ZNF415: variants seen among roughly 807,000 people sequenced by gnomAD.
The protein encoded by ZNF415 is zinc finger protein 415.
Under a neutral mutation model 7.3 loss-of-function variants are expected in ZNF415, and 5 were observed. The observed-to-expected ratio is 0.69, with a 90% CI of 0.36 to 1.44. The LOEUF (loss-of-function observed/expected upper bound fraction) is 1.44. Among genes scored for constraint, ZNF415 ranks in the 40% most tolerant of loss-of-function variants. The probability of loss-of-function intolerance (pLI) is 0.04; values close to 1 mark genes in which losing one functional copy is unlikely to be tolerated. For synonymous variants in ZNF415, 207 were observed against 226.3 expected (o/e 0.91, Z 0.77); for missense variants, 628 against 664.8 (o/e 0.94, Z 0.61).
chr19:53,117,302 G>T (rs896366725), intron 2 of ZNF415, among the ~76,000 whole-genome samples: 1 of 151,998 alleles, frequency 6.6e-6, no homozygotes, highest in Non-Finnish European at 1.5e-5. Flanking sequence ...CTAGCCGAGC[G>T]TGGTGGTGCA....
In ZNF415 at chr19:53,130,732, C is replaced by T. The variant is rs140232750; in HGVS notation, c.-68+2124G>A. On this transcript the variant is annotated intron_variant, in intron 1 of 3. Transcript: ENST00000243643. Reference sequence around the variant, plus strand: ...TCGGCTCTTGGCTCACTGCAACCTCCGCCTCCCGGGTTTACACAATGCTTT... The same window carrying T: ...TCGGCTCTTGGCTCACTGCAACCTCTGCCTCCCGGGTTTACACAATGCTTT... 1.6e-3 allele frequency among the ~76,000 whole-genome samples: 243 copies of T among 152,188 alleles called. 2 individuals carry two copies. Among genetic ancestry groups the T allele is most frequent in the African/African-American group, 5.5e-3 (227 of 41,518 alleles).
intron 1 of ZNF415, among the ~76,000 whole-genome samples, chr19:53,125,192 T>G (rs1350967860): frequency 1.3e-5 from 2 of 151,766 alleles, no homozygotes; most frequent in Non-Finnish European, 2.9e-5. Context: ...TACAGGCACA[T>G]GCCACCATGC....
At position 53,109,373 on chromosome 19, in the gene ZNF415, G is replaced by C; in HGVS notation, c.672C>G (p.Ala224=). 1 of 1,614,146 alleles carries C rather than the reference G, an allele frequency of 6.2e-7. No homozygotes were observed. Among genetic ancestry groups the C allele is most frequent in the African/African-American group, 1.3e-5 (1 of 75,050 alleles). ...KPYRYIECDK[A]LNHGSHMTVR... is the part of the protein sequence containing the mutation. ...CAGTCATGTGTGAGCCATGATTCAA[G>C]GCTTTGTCGCACTCAATATATCTGT... The change falls in exon 4 of 4, where the codon GCC becomes GCG. Residue 224 remains alanine (A), a synonymous_variant. Coordinates refer to ENST00000243643, the MANE Select transcript of ZNF415 (RefSeq NM_018355.4).
intron 3 of ZNF415, chr19:53,115,963 A>G (rs930461783): frequency 2.1e-5 from 14 of 669,496 alleles, no homozygotes; most frequent in Non-Finnish European, 3.3e-5. Context: ...CTGAATGCCA[A>G]CTCTGAATGC....
At chr19:53,123,789 T>C in intron 1 of ZNF415, 1 of 385,978 alleles carries the variant, frequency 2.6e-6, no homozygotes, top group Admixed American at 4.5e-5. Context: ...ATTAACCCAC[T>C]TACAATGTAA....
rs747615291 is a variant in ZNF415 at position 53,108,909 on chromosome 19, G to A, written c.1136C>T (p.Thr379Ile). The A allele has an allele frequency of 1.2e-6, 2 of 1,614,154 alleles. No individual in the cohort carries two copies. The highest frequency in any genetic ancestry group is 1.1e-5 in the South Asian group (1 of 91,076). ...ATTACACTTGTATGGTTTCTCCCCA[G>A]TGTGAATTCTCTGATGAGTTGCAAG... is the stretch of plus-strand genomic sequence containing the variant. ...SSLATHQRIH[T>I]GEKPYKCNEC... is the part of the protein sequence containing the mutation. Residue 379 changes from threonine (T) to isoleucine (I), a missense_variant, in exon 4 of 4, where the codon ACT becomes ATT. Transcript: ENST00000243643.
At position 53,109,446 on chromosome 19, in the gene ZNF415, G is replaced by C; in HGVS notation, c.599C>G (p.Ser200Cys). The C allele has an allele frequency of 1.2e-6, 2 of 1,614,060 alleles. No homozygotes were observed. Among genetic ancestry groups the C allele is most frequent in the Non-Finnish European group, 1.7e-6 (2 of 1,179,980 alleles). ...SNKYGTDFIC[S>C]SLLTQEQKSC... is the part of the protein sequence containing the mutation. ...TTTCTGTTCTTGTGTGAGTAATGAA[G>C]AACAGATGAAATCAGTCCCATATTT... is the stretch of plus-strand genomic sequence containing the variant. Residue 200 changes from serine to cysteine, a missense_variant, in exon 4 of 4, where the codon TCT becomes TGT. Coordinates refer to ENST00000243643, the MANE Select transcript of ZNF415 (RefSeq NM_018355.4).
In ZNF415 at chr19:53,130,922, G is replaced by A. The variant is rs371255165; in HGVS notation, c.-68+1934C>T. On this transcript the variant is annotated intron_variant, in intron 1 of 3. Coordinates refer to ENST00000243643, the MANE Select transcript of ZNF415 (RefSeq NM_018355.4). Reference sequence around the variant, plus strand: ...GCCTCCCAAAGTGCTGGGATTACAGGCATGAGCCACCATGCCCAGCCTCAA... The same window carrying A: ...GCCTCCCAAAGTGCTGGGATTACAGACATGAGCCACCATGCCCAGCCTCAA... Among the ~76,000 whole-genome samples the A allele has an allele frequency of 3.1e-4, 47 of 152,188 alleles. 1 individual carries two copies. Among genetic ancestry groups the A allele is most frequent in the Admixed American group, 1.5e-3 (23 of 15,286 alleles).
Position 53,116,298 on chromosome 19 carries a change from G to T in ZNF415, c.136+15C>A. ...CAAGGGCAGATTTTGACTTCTGGAA[G>T]AAAATTATCCTCACCCAGGGAGACC... On this transcript the variant is annotated intron_variant, in intron 3 of 3. Transcript: ENST00000243643. 3 of 1,590,602 alleles carry T rather than the reference G, an allele frequency of 1.9e-6. No individual in the cohort carries two copies. Among genetic ancestry groups the T allele is most frequent in the Non-Finnish European group, 2.6e-6 (3 of 1,173,632 alleles).
At chr19:53,118,957 G>A (rs147678951) in intron 2 of ZNF415, among the ~76,000 whole-genome samples, 3 of 151,148 alleles carry the variant, frequency 2.0e-5, no homozygotes, top group Admixed American at 6.6e-5. Flanking sequence ...CCACCCTGGC[G>A]AAGATGGTAA....
chr19:53,117,652 A>T (rs55784285), intron 2 of ZNF415, among the ~76,000 whole-genome samples: 3,396 of 152,212 alleles, frequency 0.022, 118 homozygotes, highest in African/African-American at 0.076. Flanking sequence ...CCTTCATAAA[A>T]AGGAGAAATA....
intron 3 of ZNF415, among the ~76,000 whole-genome samples, chr19:53,111,434 C>A (rs2086232988): frequency 6.8e-6 from 1 of 147,002 alleles, no homozygotes; most frequent in African/African-American, 2.5e-5. Context: ...CCTCTGCTTC[C>A]TGGGTTCAAG....
In ZNF415 at chr19:53,109,038, G is replaced by A. The variant is rs374244972; in HGVS notation, c.1007C>T (p.Ala336Val). ...GGTAAGTGTTGACCTCACACTAAAG[G>A]CTTTGCCACACTCTTTACATGTGTA... ...KPYTCKECGK[A>V]FSVRSTLTNH... Residue 336 changes from alanine to valine, a missense_variant, in exon 4 of 4, where the codon GCC becomes GTC. Ala to Val is a moderately conservative substitution (Grantham distance 64). Coordinates refer to ENST00000243643, the MANE Select transcript of ZNF415 (RefSeq NM_018355.4). 6 of 1,613,528 alleles carry A rather than the reference G, an allele frequency of 3.7e-6. No homozygotes were observed. Among genetic ancestry groups the A allele is most frequent in the Non-Finnish European group, 5.1e-6 (6 of 1,179,718 alleles).
chr19:53,123,202 G>A (rs2146519577), intron 1 of ZNF415, among the ~76,000 whole-genome samples: 1 of 152,228 alleles, frequency 6.6e-6, no homozygotes. Context: ...GGGCACAAGA[G>A]GTATATCTGC....
intron 1 of ZNF415, among the ~76,000 whole-genome samples, chr19:53,124,629 G>A (rs16984496): frequency 0.21 from 32,694 of 152,092 alleles, 4,304 homozygotes; most frequent in East Asian, 0.34. Context: ...TGGGGCTGGC[G>A]TGTGGTACAC....
chr19:53,120,515 G>A (rs566319876), intron 2 of ZNF415, among the ~76,000 whole-genome samples: 2 of 152,182 alleles, frequency 1.3e-5, no homozygotes, highest in South Asian at 4.2e-4. Flanking sequence ...TGTAAGGCTT[G>A]ACAGGAAAAG....
intron 1 of ZNF415, among the ~76,000 whole-genome samples, chr19:53,127,469 A>G (rs1441109241): frequency 6.6e-6 from 1 of 152,218 alleles, no homozygotes; most frequent in Non-Finnish European, 1.5e-5. Context: ...AAGTACCACC[A>G]AAGCCTACCA....
intron 1 of ZNF415, among the ~76,000 whole-genome samples, chr19:53,128,259 C>T (rs1601322623): frequency 2.0e-5 from 3 of 152,040 alleles, no homozygotes; most frequent in African/African-American, 4.8e-5. Flanking sequence ...AGTCTAGATT[C>T]TAGAAGTTGG....
Position 53,122,533 on chromosome 19 carries a change from C to T in ZNF415, c.15+129G>A, listed in dbSNP as rs1013071910. 40 of 1,597,294 alleles carry T rather than the reference C, an allele frequency of 2.5e-5. 1 individual carries two copies. The Admixed American group carries it at 4.7e-4, about 19-fold the overall frequency. On this transcript the variant is annotated intron_variant, in intron 2 of 3. Coordinates refer to ENST00000243643, the MANE Select transcript of ZNF415 (RefSeq NM_018355.4). ...AGATGAGAAGGACTGAGGGAAGGCA[C>T]GGGTCAATGTGAGCAAACGCGTCAG...
Sources: gnomAD v4.1 joint callset for allele counts (sites outside exome capture counted in the v4.1 genomes callset) on GRCh38, gnomAD v4.1.1 for gene constraint, MANE v1.5 for transcripts, NCBI Gene and HGNC (gene_info 2026-07-23, HGNC 2026-07-21) for gene names.